NUP37: variants seen among roughly 807,000 people sequenced by gnomAD.
The protein encoded by NUP37 is nucleoporin 37.
A neutral mutation model predicts 45.4 loss-of-function variants in NUP37; 33 were observed. That is an observed-to-expected ratio of 0.73 (90% CI 0.55 to 0.97). The LOEUF is 0.97. Ranked by LOEUF, NUP37 falls within the 50% of genes least tolerant of loss-of-function variation. The pLI is 0.00. For synonymous variants in NUP37, 127 were observed against 130.7 expected (o/e 0.97, Z 0.19); for missense variants, 365 against 389.7 (o/e 0.94, Z 0.53).
At chr12:102,078,585 G>C (rs757958794) in intron 6 of NUP37, among the ~76,000 whole-genome samples, 1 of 152,144 alleles carries the variant, frequency 6.6e-6, no homozygotes, top group Non-Finnish European at 1.5e-5. Context: ...CAGACACGCC[G>C]CTTCCTTCAC....
chr12:102,103,281 T>C (rs1880027018), intron 3 of NUP37, among the ~76,000 whole-genome samples: 1 of 152,324 alleles, frequency 6.6e-6, no homozygotes, highest in South Asian at 2.1e-4. Flanking sequence ...CTTTCATCAA[T>C]GTTTTATCGT....
intron 5 of NUP37, among the ~76,000 whole-genome samples, chr12:102,094,328 T>C (rs763699712): frequency 5.2e-4 from 79 of 152,250 alleles, no homozygotes; most frequent in Non-Finnish European, 9.4e-4. Context: ...TAATAAATCA[T>C]GTAAATTATC....
intron 5 of NUP37, 56 bp downstream of exon 5, chr12:102,099,050 T>C (rs1879896322): frequency 2.6e-6 from 3 of 1,144,854 alleles, no homozygotes; most frequent in South Asian, 1.3e-5. Flanking sequence ...ATTTTAAAAA[T>C]GTAATTCTCA....
rs1879203543 is a variant in NUP37 at position 102,077,417 on chromosome 12, C to T, written c.627G>A (p.Val209=). The T allele has an allele frequency of 6.2e-7, 1 of 1,614,030 alleles. No individual in the cohort carries two copies. The highest frequency in any genetic ancestry group is 8.5e-7 in the Non-Finnish European group (1 of 1,180,020). Residue 209 remains valine (V), a synonymous_variant, in exon 7 of 10, where the codon GTG becomes GTA. Coordinates refer to ENST00000552283, the MANE Select transcript of NUP37 (RefSeq NM_024057.4). The part of the protein sequence containing the change: ...QAILSLESEQ[V]PLMSAHWCLK... ...AGCACCAGTGTGCTGACATTAATGG[C>T]ACTTGTTCTGATTCAAGAGATAAAA... is the stretch of plus-strand genomic sequence containing the variant.
intron 3 of NUP37, among the ~76,000 whole-genome samples, chr12:102,109,845 C>A (rs1324523649): frequency 1.3e-5 from 2 of 152,108 alleles, no homozygotes; most frequent in Admixed American, 6.5e-5. Context: ...AGAGGTATCA[C>A]AAAACTTAAA....
chr12:102,102,812 G>A (rs1880013399), intron 3 of NUP37, among the ~76,000 whole-genome samples: 1 of 152,160 alleles, frequency 6.6e-6, no homozygotes. Context: ...TCATTCTTCT[G>A]TGTGTAAATA....
intron 4 of NUP37, among the ~76,000 whole-genome samples, chr12:102,100,693 T>C (rs150700617): frequency 1.3e-5 from 2 of 152,342 alleles, no homozygotes; most frequent in Non-Finnish European, 2.9e-5. Flanking sequence ...GATCATTTGT[T>C]CCCATGAAGT....
At chr12:102,096,677 A>C (rs1227543543) in intron 5 of NUP37, among the ~76,000 whole-genome samples, 1 of 152,192 alleles carries the variant, frequency 6.6e-6, no homozygotes, top group Non-Finnish European at 1.5e-5. Flanking sequence ...CATATGTGAT[A>C]ATGTAAGAAT....
intron 2 of NUP37, among the ~76,000 whole-genome samples, chr12:102,114,257 T>C (rs548652446): frequency 6.6e-6 from 1 of 152,360 alleles, no homozygotes; most frequent in East Asian, 1.9e-4. Flanking sequence ...ATACACATCA[T>C]CTTGCTACTG....
intron 8 of NUP37, 28 bp downstream of exon 8, chr12:102,076,769 C>T: frequency 1.2e-6 from 2 of 1,606,430 alleles, no homozygotes; most frequent in Non-Finnish European, 1.7e-6. Context: ...AAGATCAAAT[C>T]ACAGCTCCAA....
intron 5 of NUP37, among the ~76,000 whole-genome samples, chr12:102,088,126 T>A (rs1879524583): frequency 6.6e-6 from 1 of 152,216 alleles, no homozygotes; most frequent in Non-Finnish European, 1.5e-5. Flanking sequence ...GTAGTAAGTA[T>A]GTAAAATACA....
chr12:102,109,202 T>C (rs1341753025), intron 3 of NUP37, among the ~76,000 whole-genome samples: 2 of 152,148 alleles, frequency 1.3e-5, no homozygotes, highest in African/African-American at 2.4e-5. Flanking sequence ...ATGAATTCTC[T>C]AGCCACTACG....
intron 2 of NUP37, among the ~76,000 whole-genome samples, chr12:102,116,997 G>C (rs776682339): frequency 6.6e-6 from 1 of 152,198 alleles, no homozygotes; most frequent in East Asian, 1.9e-4. Flanking sequence ...GCGAGACTCC[G>C]TCTCAAAACA....
chr12:102,099,262 A>G, intron 4 of NUP37, 62 bp from the exon 5 acceptor site: 1 of 1,166,708 alleles, frequency 8.6e-7, no homozygotes, highest in Non-Finnish European at 1.3e-6. Flanking sequence ...CAATATTCCT[A>G]CATAATATTT....
chr12:102,085,301 A>C (rs1033219801), intron 6 of NUP37, among the ~76,000 whole-genome samples: 2 of 152,158 alleles, frequency 1.3e-5, no homozygotes, highest in African/African-American at 4.8e-5. Context: ...ATGTGCCTAT[A>C]GTCCCAGCTA....
intron 3 of NUP37, among the ~76,000 whole-genome samples, chr12:102,104,470 T>C (rs1252772198): frequency 6.6e-6 from 1 of 152,200 alleles, no homozygotes; most frequent in Non-Finnish European, 1.5e-5. Context: ...TTTTAAAGTT[T>C]GATTTAGTCT....
At chr12:102,119,265 G>C (rs1025640947) in intron 1 of NUP37, 1 of 152,210 alleles carries the variant, frequency 6.6e-6, no homozygotes, top group Non-Finnish European at 1.5e-5. Flanking sequence ...TAATGTTCAG[G>C]GGGTTGGGCG....
At chr12:102,076,764 C>A in intron 8 of NUP37, 33 bp downstream of exon 8, 1 of 1,599,454 alleles carries the variant, frequency 6.3e-7, no homozygotes, top group South Asian at 1.1e-5. Context: ...GTCAAAAGAT[C>A]AAATCACAGC....
chr12:102,108,034 T>C (rs1880205360), intron 3 of NUP37, among the ~76,000 whole-genome samples: 1 of 152,208 alleles, frequency 6.6e-6, no homozygotes, highest in East Asian at 1.9e-4. Flanking sequence ...ATATATACTC[T>C]GTGATGGTTA....
Sources: gnomAD v4.1 joint callset for allele counts (sites outside exome capture counted in the v4.1 genomes callset) on GRCh38, gnomAD v4.1.1 for gene constraint, MANE v1.5 for transcripts, NCBI Gene and HGNC (gene_info 2026-07-23, HGNC 2026-07-21) for gene names.